Variants in PCDHGA7 observed in about 807,000 individuals in gnomAD.
The protein encoded by PCDHGA7 is protocadherin gamma-A7.
Under a neutral mutation model 58.3 loss-of-function variants are expected in PCDHGA7, and 44 were observed. The ratio of observed to expected loss-of-function variants is 0.75; its 90% CI spans 0.59 to 0.97. The LOEUF is 0.97. PCDHGA7 is among the 50% of genes least tolerant of loss of function. The pLI, the probability that PCDHGA7 is intolerant of heterozygous loss-of-function variation, is 0.00. For synonymous variants in PCDHGA7, 516 were observed against 504.2 expected (o/e 1.02, Z -0.31); for missense variants, 1,266 against 1,188.7 (o/e 1.06, Z -0.96).
intron 1 of PCDHGA7, among the ~76,000 whole-genome samples, chr5:141,405,770 G>C (rs989163026): frequency 1.3e-5 from 2 of 152,032 alleles, no homozygotes; most frequent in East Asian, 3.9e-4. Context: ...GAGCCACTGC[G>C]CCTGGCCCTT....
intron 2 of PCDHGA7, among the ~76,000 whole-genome samples, chr5:141,503,608 AAAAAAAG>A (rs1483073868): frequency 3.3e-5 from 5 of 151,876 alleles, no homozygotes; most frequent in South Asian, 2.1e-4. Context: ...CAAAAAAAAA[AAAAAAAG>A]AAAAAAGAAA....
chr5:141,409,907 C>T (rs1370065492), intron 1 of PCDHGA7: 1 of 1,613,294 alleles, frequency 6.2e-7, no homozygotes, highest in East Asian at 2.2e-5. Flanking sequence ...AGCTCTGGGT[C>T]CTGACGGCTC....
At chr5:141,474,756 T>C (rs2099354156) in intron 1 of PCDHGA7, among the ~76,000 whole-genome samples, 1 of 152,244 alleles carries the variant, frequency 6.6e-6, no homozygotes, top group Non-Finnish European at 1.5e-5. Flanking sequence ...AAGACAAATA[T>C]ACAGAAATAG....
At position 141,489,924 on chromosome 5, in the gene PCDHGA7, C is replaced by G. The variant is rs755286650; in HGVS notation, c.2425-4883C>G. ...CAGCCCGCTCAGGGACCACCCTTAT[C>G]TCTGTCATCGTGCTGGACATCAATG... is the stretch of plus-strand genomic sequence containing the variant. On this transcript the variant is annotated intron_variant, in intron 1 of 3. Transcript: ENST00000518325. This position sits in a 1 kb window ranked among gnomAD's most constrained non-coding sequence, Gnocchi z 4.5. 22 of 1,614,226 alleles carry G rather than the reference C, an allele frequency of 1.4e-5. No homozygotes were observed. The highest frequency in any genetic ancestry group is 1.9e-5 in the Non-Finnish European group (22 of 1,180,030).
chr5:141,422,066 A>G, intron 1 of PCDHGA7: 1 of 1,612,154 alleles, frequency 6.2e-7, no homozygotes. Context: ...GAAGTAATGT[A>G]TTCATTTCGG....
intron 1 of PCDHGA7, among the ~76,000 whole-genome samples, chr5:141,437,457 T>C (rs527469937): frequency 7.2e-5 from 11 of 152,358 alleles, no homozygotes; most frequent in Non-Finnish European, 1.5e-4. Flanking sequence ...GAGGAGACTA[T>C]ACTATACTTT....
At chr5:141,419,576 G>A (rs958064613) in intron 1 of PCDHGA7, 10 of 1,611,766 alleles carry the variant, frequency 6.2e-6, no homozygotes, top group Non-Finnish European at 6.8e-6. Flanking sequence ...CGACGGCTCC[G>A]CGCTCTTCGA....
chr5:141,447,823 C>T lies in PCDHGA7; in HGVS notation c.2425-46984C>T, dbSNP rs192381755. ...AAAATTGGCTGGGCGTGGTGGCTCA[C>T]GCCTGTAATCCCAGTGCTTTGGGAG... On this transcript the variant is annotated intron_variant, in intron 1 of 3. Coordinates refer to ENST00000518325, the MANE Select transcript of PCDHGA7 (RefSeq NM_018920.4). Among the ~76,000 whole-genome samples, 677 of 152,272 alleles carry T rather than the reference C, an allele frequency of 4.4e-3. 5 individuals are homozygous for T. Among genetic ancestry groups the T allele is most frequent in the African/African-American group, 0.015 (635 of 41,548 alleles).
chr5:141,403,956 T>A (rs375951516), intron 1 of PCDHGA7: 6 of 1,613,884 alleles, frequency 3.7e-6, no homozygotes, highest in Non-Finnish European at 5.1e-6. Flanking sequence ...AAAGTGCTCA[T>A]TTCGGTGGAA....
chr5:141,428,587 G>C (rs914718913), intron 1 of PCDHGA7: 6 of 226,650 alleles, frequency 2.6e-5, no homozygotes, highest in Non-Finnish European at 5.3e-5. Flanking sequence ...AGTTTCTCTG[G>C]TAGCAAGCTT....
At chr5:141,388,875 G>C in intron 1 of PCDHGA7, 1 of 1,614,024 alleles carries the variant, frequency 6.2e-7, no homozygotes, top group Non-Finnish European at 8.5e-7. Context: ...GCAATGCACA[G>C]TGGAGGTAGA....
At chr5:141,387,608 G>C (rs562428819) in intron 1 of PCDHGA7, 221 of 551,402 alleles carry the variant, frequency 4.0e-4, no homozygotes, top group Non-Finnish European at 6.6e-4. Context: ...AGAGGCTGTA[G>C]TTTCCTAGTG....
intron 1 of PCDHGA7, chr5:141,409,447 AC>A (rs779658060): frequency 1.4e-4 from 222 of 1,613,890 alleles, no homozygotes; most frequent in Non-Finnish European, 1.8e-4. Context: ...GAGAGCAGAC[AC>A]CAGAATACAA....
chr5:141,429,073 C>CTCGATT (rs1202357717), intron 1 of PCDHGA7: 1 of 152,116 alleles, frequency 6.6e-6, no homozygotes, highest in African/African-American at 2.4e-5. Context: ...CCAGGATGGT[C>CTCGATT]TCGATTTCCT....
chr5:141,436,555 G>A (rs562422182), intron 1 of PCDHGA7, among the ~76,000 whole-genome samples: 1 of 152,252 alleles, frequency 6.6e-6, no homozygotes, highest in South Asian at 2.1e-4. Flanking sequence ...TTGAGCTTCA[G>A]CAAAGTAGGA....
intron 1 of PCDHGA7, chr5:141,423,310 G>A (rs1175296469): frequency 1.2e-6 from 2 of 1,614,180 alleles, no homozygotes; most frequent in Admixed American, 1.7e-5. Flanking sequence ...GCTGTACTTG[G>A]TGGTGGCGGT....
chr5:141,413,453 G>A lies in PCDHGA7; in HGVS notation c.2424+28130G>A, dbSNP rs761986113. 1.9e-5 allele frequency: 31 copies of A among 1,613,986 alleles called. 2 individuals carry two copies. In the South Asian group the frequency reaches 3.1e-4, roughly 16 times the overall value. On this transcript the variant is annotated intron_variant, in intron 1 of 3. Coordinates refer to ENST00000518325, the MANE Select transcript of PCDHGA7 (RefSeq NM_018920.4). ...AGCGGCAGCTTGATCACCGCGGGCA[G>A]GATAGACCGGGAGGAGCTCTGCGCT...
At chr5:141,496,178 C>T (rs1481326898) in intron 2 of PCDHGA7, among the ~76,000 whole-genome samples, 2 of 152,080 alleles carry the variant, frequency 1.3e-5, no homozygotes, top group Admixed American at 1.3e-4. Flanking sequence ...CCCATCCAAG[C>T]AGCCCCAGCT....
At chr5:141,433,099 C>T (rs1003269683) in intron 1 of PCDHGA7, 1 of 1,614,190 alleles carries the variant, frequency 6.2e-7, no homozygotes, top group Non-Finnish European at 8.5e-7. Context: ...ACATGCTCGT[C>T]AGCCAGGAGA....
Sources: gnomAD v4.1 joint callset for allele counts (sites outside exome capture counted in the v4.1 genomes callset) on GRCh38, gnomAD v4.1.1 for gene constraint, Gnocchi (gnomAD v3.1) non-coding constraint, MANE v1.5 for transcripts, NCBI Gene and HGNC (gene_info 2026-07-23, HGNC 2026-07-21) for gene names.